IGSF11: variants seen among roughly 807,000 people sequenced by gnomAD.
The protein encoded by IGSF11 is CXADR like 1.
Under a neutral mutation model 41.0 loss-of-function variants are expected in IGSF11, and 22 were observed. That is an observed-to-expected ratio of 0.54 (90% CI 0.38 to 0.77). The LOEUF (loss-of-function observed/expected upper bound fraction) is 0.77. Ranked by LOEUF, IGSF11 falls within the 30% of genes least tolerant of loss-of-function variation. The pLI is 0.00. For missense variants in IGSF11, 444 were observed against 530.8 expected (o/e 0.84, Z 1.61); for synonymous variants, 219 against 201.3 (o/e 1.09, Z -0.74).
chr3:119,018,870 T>C (rs934275022), intron 1 of IGSF11, among the ~76,000 whole-genome samples: 5 of 152,216 alleles, frequency 3.3e-5, no homozygotes, highest in African/African-American at 1.2e-4. Flanking sequence ...TCATCAGAGC[T>C]GGCACTGAAG....
At chr3:119,129,910 A>G (rs779503150) in intron 1 of IGSF11, among the ~76,000 whole-genome samples, 11 of 152,130 alleles carry the variant, frequency 7.2e-5, no homozygotes, top group Non-Finnish European at 1.5e-4. Flanking sequence ...GCTTGAGTCC[A>G]GGAGGTCGAC....
upstream of IGSF11, among the ~76,000 whole-genome samples, chr3:119,039,828 G>A (rs1484086876): frequency 1.3e-5 from 2 of 152,118 alleles, no homozygotes; most frequent in Non-Finnish European, 2.9e-5. Flanking sequence ...AGTCGTAACT[G>A]ACCATTGAAA....
chr3:118,990,374 G>A (rs2107651047), intron 1 of IGSF11, among the ~76,000 whole-genome samples: 1 of 152,244 alleles, frequency 6.6e-6, no homozygotes, highest in South Asian at 2.1e-4. Context: ...TTGAAAGTAT[G>A]GATGCATAAT....
chr3:119,060,232 T>C (rs1232108230), intron 1 of IGSF11, among the ~76,000 whole-genome samples: 1 of 152,200 alleles, frequency 6.6e-6, no homozygotes, highest in Non-Finnish European at 1.5e-5. Flanking sequence ...TGTTGTGAAA[T>C]TCTTGTCTTT....
At chr3:118,960,265 G>T (rs1559963197) in intron 1 of IGSF11, among the ~76,000 whole-genome samples, 1 of 152,018 alleles carries the variant, frequency 6.6e-6, no homozygotes, top group East Asian at 1.9e-4. Flanking sequence ...GATTTACAAA[G>T]AAATGTGTGT....
intron 1 of IGSF11, among the ~76,000 whole-genome samples, chr3:118,998,642 G>A (rs1213800597): frequency 1.3e-5 from 2 of 150,590 alleles, no homozygotes; most frequent in African/African-American, 4.9e-5. Flanking sequence ...TATTTTAAAA[G>A]AAAGCCCCAA....
intron 1 of IGSF11, among the ~76,000 whole-genome samples, chr3:119,027,429 A>T (rs1290707414): frequency 1.3e-5 from 2 of 152,210 alleles, no homozygotes; most frequent in Admixed American, 6.5e-5. Context: ...ACAATAAATG[A>T]GATGCGAAAG....
At chr3:119,034,931 C>T, upstream of IGSF11, 1 of 787,240 alleles carries the variant, frequency 1.3e-6, no homozygotes, top group Non-Finnish European at 1.6e-6. Context: ...CTCGCCGCGC[C>T]GCCCACTCGC....
chr3:119,004,330 G>C (rs1458018722), intron 1 of IGSF11, among the ~76,000 whole-genome samples: 7 of 143,662 alleles, frequency 4.9e-5, no homozygotes, highest in Non-Finnish European at 9.0e-5. Context: ...ATTTTTTATT[G>C]TGTCTATTTG....
chr3:119,075,633 T>A (rs2076481822), intron 1 of IGSF11, among the ~76,000 whole-genome samples: 1 of 152,282 alleles, frequency 6.6e-6, no homozygotes, highest in Non-Finnish European at 1.5e-5. Flanking sequence ...CCCACTGTAA[T>A]CAAGTAGGCT....
At chr3:119,089,752 C>T (rs1195443906) in intron 1 of IGSF11, among the ~76,000 whole-genome samples, 3 of 152,174 alleles carry the variant, frequency 2.0e-5, no homozygotes, top group Admixed American at 6.6e-5. Flanking sequence ...AGGCTGGGCA[C>T]AATGGCTCAC....
chr3:119,048,244 C>T (rs1165300345), intron 1 of IGSF11, among the ~76,000 whole-genome samples: 2 of 151,960 alleles, frequency 1.3e-5, no homozygotes, highest in African/African-American at 2.4e-5. Context: ...AATTGATAGA[C>T]CGCTAGCAAG....
chr3:119,005,079 T>G (rs940096354), intron 1 of IGSF11, among the ~76,000 whole-genome samples: 1 of 148,578 alleles, frequency 6.7e-6, no homozygotes, highest in African/African-American at 2.6e-5. Context: ...AGTCTCCCAT[T>G]ATTAATGTTT....
At chr3:119,126,205 G>A (rs900274153) in intron 1 of IGSF11, among the ~76,000 whole-genome samples, 3 of 152,228 alleles carry the variant, frequency 2.0e-5, no homozygotes. Flanking sequence ...GAGGCTGGAC[G>A]GCTTGGTCCC....
intron 1 of IGSF11, among the ~76,000 whole-genome samples, chr3:119,139,216 C>T (rs114103331): frequency 1.6e-3 from 249 of 151,940 alleles, no homozygotes; most frequent in African/African-American, 4.3e-3. Flanking sequence ...TAAATAAAAA[C>T]GGACACAATC....
chr3:118,991,472 C>T (rs1051357266), intron 1 of IGSF11, among the ~76,000 whole-genome samples: 2 of 152,128 alleles, frequency 1.3e-5, no homozygotes, highest in African/African-American at 4.8e-5. Flanking sequence ...TTTTGTACTC[C>T]ACAGCTGCAT....
chr3:118,971,030 T>C (rs1933352914), intron 1 of IGSF11, among the ~76,000 whole-genome samples: 1 of 152,114 alleles, frequency 6.6e-6, no homozygotes, highest in African/African-American at 2.4e-5. Context: ...AGCCCAGGGG[T>C]GAATCCTGCT....
At chr3:118,960,108 T>C (rs576299256) in intron 1 of IGSF11, among the ~76,000 whole-genome samples, 2 of 151,474 alleles carry the variant, frequency 1.3e-5, no homozygotes, top group Non-Finnish European at 1.5e-5. Context: ...CAGGTAATAA[T>C]GTGGCTCAGT....
intron 1 of IGSF11, among the ~76,000 whole-genome samples, chr3:119,009,586 C>T (rs1238748200): frequency 2.0e-5 from 3 of 152,178 alleles, no homozygotes; most frequent in Non-Finnish European, 4.4e-5. Context: ...TGAGGCCTCC[C>T]AAGCAATGTG....
Sources: allele counts gnomAD v4.1 joint callset (sites outside exome capture counted in the v4.1 genomes callset), GRCh38; gene constraint gnomAD v4.1.1; transcripts MANE v1.5; gene names NCBI Gene and HGNC (gene_info 2026-07-23, HGNC 2026-07-21).